Variants in CACNG2 observed in about 807,000 individuals in gnomAD.
CACNG2 encodes calcium voltage-gated channel auxiliary subunit gamma 2.
A neutral mutation model predicts 25.9 loss-of-function variants in CACNG2; 3 were observed. The observed-to-expected ratio is 0.12, with a 90% CI of 0.05 to 0.30. CACNG2 has a LOEUF of 0.30. Ranked by LOEUF, CACNG2 falls within the 10% of genes least tolerant of loss-of-function variation. CACNG2 has a pLI of 1.00. For synonymous variants in CACNG2, 167 were observed against 173.3 expected, an observed-to-expected ratio of 0.96 and a Z score of 0.29; for missense variants, 341 against 432.5, an observed-to-expected ratio of 0.79 and a Z score of 1.88.
rs1935271224 is a variant in CACNG2 at position 36,573,834 on chromosome 22, C to CA, written c.296-7342_296-7341insT. 5.9e-5 allele frequency among the ~76,000 whole-genome samples: 9 copies of CA among 152,226 alleles called. No individual in the cohort carries two copies. In the South Asian group the frequency reaches 1.9e-3, roughly 32 times the overall value. On this transcript the variant is annotated intron_variant, in intron 2 of 3. Transcript: ENST00000300105. ...AGCTTATGTGGGGATCAGGACAGGT[C>CA]TCCCTGAGGAAGTGGTGGTAGAGCT...
At position 36,567,566 on chromosome 22, in the gene CACNG2, C is replaced by G. The variant is rs538081841; in HGVS notation, c.296-1073G>C. 6.2e-5 allele frequency among the ~76,000 whole-genome samples: 9 copies of G among 146,284 alleles called. No homozygotes were observed. In the East Asian group the frequency reaches 1.4e-3, roughly 23 times the overall value. ...AAAGGGAGAAACAGAAGGTGAGGGCCAGGGCTCCTACAGTTGGGGGTGGAT... is the reference window on the plus strand; with the variant it reads ...AAAGGGAGAAACAGAAGGTGAGGGCGAGGGCTCCTACAGTTGGGGGTGGAT... On this transcript the variant is annotated intron_variant, in intron 2 of 3. Coordinates refer to ENST00000300105, the MANE Select transcript of CACNG2 (RefSeq NM_006078.5).
Position 36,564,186 on chromosome 22 carries a change from T to TC in CACNG2, c.*164_*165insG. The TC allele has an allele frequency of 1.8e-6, 1 of 555,040 alleles. No homozygotes were observed. The highest frequency in any genetic ancestry group is 3.0e-6 in the Non-Finnish European group (1 of 329,784). The allele number at this position is 555,040 out of a possible 1,614,324, so 34.4% of individuals were successfully genotyped here. ...AAATTTACTTGTTATGTTTTTTCTCTTTTTTTGTGTGTGTGTGTTTTTTTG... is the reference window on the plus strand; with the variant it reads ...AAATTTACTTGTTATGTTTTTTCTCTCTTTTTTGTGTGTGTGTGTTTTTTTG... On this transcript the variant is annotated 3_prime_UTR_variant, in exon 4 of 4. Transcript: ENST00000300105. The surrounding 1 kb of genome is among the most constrained non-coding windows in gnomAD (Gnocchi z 6.7).
chr22:36,622,561 C>T (rs1254617522), intron 1 of CACNG2, among the ~76,000 whole-genome samples: 2 of 152,112 alleles, frequency 1.3e-5, no homozygotes, highest in African/African-American at 2.4e-5. Context: ...CAAAATATGC[C>T]GGGTGAAGGC....
intron 1 of CACNG2, among the ~76,000 whole-genome samples, chr22:36,611,462 G>A (rs537301210): frequency 6.6e-6 from 1 of 152,328 alleles, no homozygotes; most frequent in East Asian, 1.9e-4. Context: ...ACTTGGCCCA[G>A]AGTCCAAGGG....
intron 1 of CACNG2, among the ~76,000 whole-genome samples, chr22:36,620,703 G>C (rs1936092925): frequency 6.6e-6 from 1 of 152,186 alleles, no homozygotes; most frequent in Non-Finnish European, 1.5e-5. Flanking sequence ...TTGTTATGGA[G>C]CTCACGTCAG....
chr22:36,672,631 G>T (rs541488767), intron 1 of CACNG2, among the ~76,000 whole-genome samples: 1 of 152,132 alleles, frequency 6.6e-6, no homozygotes, highest in Non-Finnish European at 1.5e-5. Flanking sequence ...AGCACTTTCC[G>T]TTCTCCTCCA....
chr22:36,683,972 C>A (rs1009829120), intron 1 of CACNG2, among the ~76,000 whole-genome samples: 1 of 152,182 alleles, frequency 6.6e-6, no homozygotes, highest in Non-Finnish European at 1.5e-5. Context: ...ACAGTCCAGG[C>A]GACTTCTGTG....
intron 1 of CACNG2, among the ~76,000 whole-genome samples, chr22:36,679,726 G>T (rs1382570346): frequency 2.0e-5 from 3 of 152,120 alleles, no homozygotes; most frequent in Non-Finnish European, 4.4e-5. Flanking sequence ...GCCCACTCCA[G>T]CTCTCCCTGT....
At chr22:36,670,433 A>G (rs1245708756) in intron 1 of CACNG2, among the ~76,000 whole-genome samples, 1 of 152,164 alleles carries the variant, frequency 6.6e-6, no homozygotes, top group Non-Finnish European at 1.5e-5. Context: ...TAGAATTTGT[A>G]TCTTTATAAA....
rs1026520881 is a variant in CACNG2 at position 36,606,949 on chromosome 22, T to G, written c.212-19401A>C. Among the ~76,000 whole-genome samples the G allele has an allele frequency of 4.0e-5, 6 of 151,570 alleles. No individual in the cohort carries two copies. Among genetic ancestry groups the G allele is most frequent in the African/African-American group, 1.5e-4 (6 of 41,296 alleles). On this transcript the variant is annotated intron_variant, in intron 1 of 3. Coordinates refer to ENST00000300105, the MANE Select transcript of CACNG2 (RefSeq NM_006078.5). The surrounding 1 kb of genome is among the most constrained non-coding windows in gnomAD (Gnocchi z 5.7). ...ATGTGTGTATGTGTTTATATGGGTG[T>G]GTGTAGGTATTATGTGTATGTCTGT...
chr22:36,672,805 T>C (rs771447342), intron 1 of CACNG2, among the ~76,000 whole-genome samples: 3 of 152,194 alleles, frequency 2.0e-5, no homozygotes, highest in African/African-American at 7.2e-5. Flanking sequence ...GCCAGCTGAT[T>C]TGTGCATCCC....
intron 1 of CACNG2, among the ~76,000 whole-genome samples, chr22:36,622,706 C>T (rs909619816): frequency 6.6e-6 from 1 of 152,118 alleles, no homozygotes; most frequent in Non-Finnish European, 1.5e-5. Context: ...CGCCTGTAAT[C>T]CCAGCACTTT....
intron 1 of CACNG2, among the ~76,000 whole-genome samples, chr22:36,631,755 A>C (rs1171540726): frequency 9.6e-6 from 1 of 104,394 alleles, no homozygotes; most frequent in African/African-American, 4.6e-5. Context: ...TTTTTTTTTT[A>C]CTGTGAAGCC....
At chr22:36,569,854 A>G (rs1935194810) in intron 2 of CACNG2, among the ~76,000 whole-genome samples, 2 of 152,064 alleles carry the variant, frequency 1.3e-5, no homozygotes, top group South Asian at 4.2e-4. Flanking sequence ...GATAGTTTCT[A>G]ATAGCTCTGC....
At chr22:36,567,710 C>T (rs957724571) in intron 2 of CACNG2, among the ~76,000 whole-genome samples, 3 of 151,806 alleles carry the variant, frequency 2.0e-5, no homozygotes, top group South Asian at 2.1e-4. Context: ...AGTGTCTTTG[C>T]GAAGTAAAAC....
intron 2 of CACNG2, among the ~76,000 whole-genome samples, chr22:36,583,440 A>AAG (rs1219806122): frequency 5.6e-5 from 8 of 142,664 alleles, no homozygotes; most frequent in African/African-American, 2.5e-4. Context: ...CTCAAAAAAA[A>AAG]AAGAAAAAAA....
chr22:36,655,753 T>TCTTCCTTTCTTC (rs149639125), intron 1 of CACNG2, among the ~76,000 whole-genome samples: 8 of 143,506 alleles, frequency 5.6e-5, no homozygotes, highest in African/African-American at 2.4e-4. Flanking sequence ...TTTCTTCCTT[T>TCTTCCTTTCTTC]CTTTCTTTCT....
chr22:36,626,903 C>T (rs938538128), intron 1 of CACNG2, among the ~76,000 whole-genome samples: 4 of 152,204 alleles, frequency 2.6e-5, no homozygotes, highest in Admixed American at 6.5e-5. Context: ...CGGTGCAAGC[C>T]GACTTCATTT....
chr22:36,649,865 G>A (rs192933229), intron 1 of CACNG2, among the ~76,000 whole-genome samples: 1 of 152,298 alleles, frequency 6.6e-6, no homozygotes, highest in East Asian at 1.9e-4. Context: ...ATGATTGTAA[G>A]GTCTCCCCAG....
Sources: allele counts gnomAD v4.1 joint callset (sites outside exome capture counted in the v4.1 genomes callset), GRCh38; gene constraint gnomAD v4.1.1; non-coding constraint Gnocchi (gnomAD v3.1); transcripts MANE v1.5; gene names NCBI Gene and HGNC (gene_info 2026-07-23, HGNC 2026-07-21).